RNF157: variants seen among roughly 807,000 people sequenced by gnomAD.
RNF157 encodes the protein ring finger protein 157.
In RNF157, 55 loss-of-function variants were observed where a neutral mutation model predicts 88.3. The ratio of observed to expected loss-of-function variants is 0.62; its 90% confidence interval spans 0.50 to 0.78. The LOEUF (loss-of-function observed/expected upper bound fraction) is 0.78, where lower values mean the gene tolerates loss of function less well. Among genes scored for constraint, RNF157 ranks in the 30% least tolerant of loss-of-function variants. The pLI, the probability that RNF157 is intolerant of heterozygous loss-of-function variation, is 0.00. For synonymous variants in RNF157, 334 were observed against 341.2 expected (o/e 0.98, Z 0.23); for missense variants, 788 against 860.8 (o/e 0.92, Z 1.06).
At chr17:76,158,172 C>T (rs749608947) in intron 13 of RNF157, among the ~76,000 whole-genome samples, 1 of 152,158 alleles carries the variant, frequency 6.6e-6, no homozygotes, top group Non-Finnish European at 1.5e-5. Flanking sequence ...TTTGTAGTGT[C>T]CCAGCTACTA....
Position 76,216,362 on chromosome 17 carries a change from G to A in RNF157, c.89-3880C>T, listed in dbSNP as rs114953091. ...AGAGTTAAAGCAGGCAACAGGGTTC[G>A]ATTAGAAATGCCCTTTTATGCCATA... On this transcript the variant is annotated intron_variant, in intron 1 of 18. Transcript: ENST00000269391. Among the ~76,000 whole-genome samples, 1,466 of 152,234 alleles carry A rather than the reference G, an allele frequency of 9.6e-3. 20 individuals are homozygous for A. The highest frequency in any genetic ancestry group is 0.032 in the African/African-American group (1,318 of 41,522).
At chr17:76,239,143 G>C (rs1258789379) in intron 1 of RNF157, among the ~76,000 whole-genome samples, 1 of 152,206 alleles carries the variant, frequency 6.6e-6, no homozygotes, top group Non-Finnish European at 1.5e-5. Flanking sequence ...TAAGCAGACA[G>C]AATGTCGCAG....
chr17:76,240,136 C>T lies in RNF157; in HGVS notation c.88+17G>A. 1.5e-6 allele frequency: 2 copies of T among 1,302,814 alleles called. No individual in the cohort carries two copies. The allele number at this position is 1,302,814 out of a possible 1,614,324, so 80.7% of individuals were successfully genotyped here. On this transcript the variant is annotated intron_variant, in intron 1 of 18. Coordinates refer to ENST00000269391, the MANE Select transcript of RNF157 (RefSeq NM_052916.3). This position sits in a 1 kb window ranked among gnomAD's most constrained non-coding sequence, Gnocchi z 4.4. ...CCCCTCTCCCTCCTCGCGGCTGCGGCGCCCGCCCGCCCTCACCGGACTTGG... is the reference window on the plus strand; with the variant it reads ...CCCCTCTCCCTCCTCGCGGCTGCGGTGCCCGCCCGCCCTCACCGGACTTGG...
chr17:76,185,720 C>T (rs1022639968), intron 2 of RNF157, among the ~76,000 whole-genome samples: 13 of 152,052 alleles, frequency 8.5e-5, no homozygotes, highest in Admixed American at 2.0e-4. Context: ...CCGCCCGCCT[C>T]GGCCTCCCAA....
intron 2 of RNF157, among the ~76,000 whole-genome samples, chr17:76,208,598 T>A (rs2069722777): frequency 6.6e-6 from 1 of 152,226 alleles, no homozygotes. Flanking sequence ...GAGAAACATG[T>A]GGCATTTATT....
chr17:76,185,391 G>A (rs2069263842), intron 2 of RNF157, among the ~76,000 whole-genome samples: 1 of 152,098 alleles, frequency 6.6e-6, no homozygotes, highest in Admixed American at 6.6e-5. Flanking sequence ...GGAGAAAAGC[G>A]TGCTCTTAAT....
At position 76,146,390 on chromosome 17, in the gene RNF157, C is replaced by T. The variant is rs113816982; in HGVS notation, c.1922-1037G>A. Reference sequence around the variant, plus strand: ...GTGCTCAGGCTCCTCCAGGCCATCTCGCCTCTCCCCTGGGAGTCCTCTTCA... The same window carrying T: ...GTGCTCAGGCTCCTCCAGGCCATCTTGCCTCTCCCCTGGGAGTCCTCTTCA... On this transcript the variant is annotated intron_variant, in intron 18 of 18. Transcript: ENST00000269391. The surrounding 1 kb of genome is among the most constrained non-coding windows in gnomAD (Gnocchi z 4.2). The T allele has an allele frequency of 1.0e-4, 100 of 985,590 alleles. No individual in the cohort carries two copies. In the African/African-American group the frequency reaches 1.4e-3, roughly 14 times the overall value. 61.1% of individuals were successfully genotyped at this position (985,590 alleles called of 1,614,324 possible).
At chr17:76,186,053 AAC>A (rs1480158554) in intron 2 of RNF157, among the ~76,000 whole-genome samples, 1 of 152,124 alleles carries the variant, frequency 6.6e-6, no homozygotes, top group Non-Finnish European at 1.5e-5. Flanking sequence ...GATATTTTAA[AAC>A]AGAGGCATTT....
intron 18 of RNF157, among the ~76,000 whole-genome samples, chr17:76,148,701 T>C (rs1311415487): frequency 6.6e-6 from 1 of 151,142 alleles, no homozygotes; most frequent in Non-Finnish European, 1.5e-5. Context: ...CTCTCGAGTA[T>C]CTGGGACCAC....
At chr17:76,165,381 T>C (rs748880751) in intron 7 of RNF157, 121 bp downstream of exon 7, 1 of 957,472 alleles carries the variant, frequency 1.0e-6, no homozygotes, top group Non-Finnish European at 1.7e-6. Flanking sequence ...TCTTTCACCA[T>C]TATAGCCTCT....
At chr17:76,198,398 A>G (rs1298647212) in intron 2 of RNF157, among the ~76,000 whole-genome samples, 1 of 152,212 alleles carries the variant, frequency 6.6e-6, no homozygotes, top group Non-Finnish European at 1.5e-5. Flanking sequence ...AATTGATTCC[A>G]AAACTGCCAC....
intron 2 of RNF157, among the ~76,000 whole-genome samples, chr17:76,187,049 A>G (rs763428910): frequency 6.6e-6 from 1 of 152,204 alleles, no homozygotes. Context: ...AGTTAAGTTT[A>G]TAAGCCAAAC....
chr17:76,146,060 G>A lies in RNF157; in HGVS notation c.1922-707C>T, dbSNP rs763296176. On this transcript the variant is annotated intron_variant, in intron 18 of 18. Coordinates refer to ENST00000269391, the MANE Select transcript of RNF157 (RefSeq NM_052916.3). The surrounding 1 kb of genome is among the most constrained non-coding windows in gnomAD (Gnocchi z 4.2). The stretch of plus-strand genomic sequence containing the variant: ...CCCAAATCTGCTGCTGCCCCCACAT[G>A]AGGAGTGCCAGCGCCTGTCTGGAAA... Among the ~76,000 whole-genome samples the A allele has an allele frequency of 3.9e-5, 6 of 152,160 alleles. No individual in the cohort carries two copies. Among genetic ancestry groups the A allele is most frequent in the South Asian group, 2.1e-4 (1 of 4,826 alleles).
chr17:76,233,396 A>G (rs2145083871), intron 1 of RNF157, among the ~76,000 whole-genome samples: 1 of 152,188 alleles, frequency 6.6e-6, no homozygotes. Flanking sequence ...AAGAAATCCA[A>G]TTTATTATTA....
In RNF157 at chr17:76,161,479, A is replaced by T. The variant is rs1370389564; in HGVS notation, c.1065+56T>A. On this transcript the variant is annotated intron_variant, in intron 11 of 18. Coordinates refer to ENST00000269391, the MANE Select transcript of RNF157 (RefSeq NM_052916.3). This position sits in a 1 kb window ranked among gnomAD's most constrained non-coding sequence, Gnocchi z 4.6. ...CCACGTAGAGAAGCATGAAAAGTTT[A>T]AAAAAGCCAATGAGGCATTTGCTTC... The T allele has an allele frequency of 9.0e-6, 12 of 1,327,276 alleles. No individual in the cohort carries two copies. The Admixed American group carries it at 1.8e-4, about 20-fold the overall frequency. 82.2% of individuals were successfully genotyped at this position (1,327,276 alleles called of 1,614,324 possible). A position where few individuals can be genotyped will look rare whatever the true frequency, so the allele number is the denominator to read the frequency against.
intron 2 of RNF157, among the ~76,000 whole-genome samples, chr17:76,201,323 C>CAAA (rs780243656): frequency 0.046 from 2,747 of 59,614 alleles, 153 homozygotes; most frequent in African/African-American, 0.11. Flanking sequence ...CTAGTCTCTA[C>CAAA]AAAAAAAAAA....
Position 76,221,141 on chromosome 17 carries a change from G to T in RNF157, c.89-8659C>A, listed in dbSNP as rs2069976415. Reference sequence around the variant, plus strand: ...CAAAACAAAAAGAAAAGGTAGATGAGGGAAAGTTTCTCTTTACAGAAATAT... The same window carrying T: ...CAAAACAAAAAGAAAAGGTAGATGATGGAAAGTTTCTCTTTACAGAAATAT... On this transcript the variant is annotated intron_variant, in intron 1 of 18. Coordinates refer to ENST00000269391, the MANE Select transcript of RNF157 (RefSeq NM_052916.3). Among the ~76,000 whole-genome samples, 3 of 151,878 alleles carry T rather than the reference G, an allele frequency of 2.0e-5. No individual in the cohort carries two copies. The South Asian group carries it at 6.2e-4, about 31-fold the overall frequency.
At chr17:76,185,806 A>G (rs2069277929) in intron 2 of RNF157, among the ~76,000 whole-genome samples, 1 of 152,088 alleles carries the variant, frequency 6.6e-6, no homozygotes, top group African/African-American at 2.4e-5. Context: ...CATCCTCACT[A>G]CCTCACTTCC....
At chr17:76,227,277 C>T (rs1314132047) in intron 1 of RNF157, among the ~76,000 whole-genome samples, 1 of 151,834 alleles carries the variant, frequency 6.6e-6, no homozygotes, top group Non-Finnish European at 1.5e-5. Flanking sequence ...CCTGCCACCA[C>T]ACTCAGCTAA....
Sources: allele counts gnomAD v4.1 joint callset (sites outside exome capture counted in the v4.1 genomes callset), GRCh38; gene constraint gnomAD v4.1.1; non-coding constraint Gnocchi (gnomAD v3.1); transcripts MANE v1.5; gene names NCBI Gene and HGNC (gene_info 2026-07-23, HGNC 2026-07-21).